COL22A1: variants seen among roughly 807,000 people sequenced by gnomAD.
COL22A1 encodes the protein collagen type XXII alpha 1 chain.
COL22A1 carries 221 observed loss-of-function variants against 248.9 expected under a neutral mutation model. The ratio of observed to expected loss-of-function variants is 0.89; its 90% CI spans 0.80 to 0.99. The LOEUF is 0.99. Ranked by LOEUF, COL22A1 falls within the 50% of genes least tolerant of loss-of-function variation. The pLI is 0.00. For missense variants in COL22A1, 2,240 were observed against 2,179.0 expected, an observed-to-expected ratio of 1.03 and a Z score of -0.56; for synonymous variants, 891 against 793.4, an observed-to-expected ratio of 1.12 and a Z score of -2.07.
In COL22A1 at chr8:138,594,087, G is replaced by T; in HGVS notation, c.4545C>A (p.Gly1515=). 1 of 1,585,988 alleles carries T rather than the reference G, an allele frequency of 6.3e-7. No individual in the cohort carries two copies. The highest frequency in any genetic ancestry group is 2.3e-5 in the East Asian group (1 of 42,954). The part of the protein sequence containing the change: ...PGKDGLPGRA[G]PMGEPGRPGQ... ...CAGGACGACCTGGCTCCCCCATGGG[G>T]CCGGCCCGGCCTGGAAGCCCATCTT... The change falls in exon 63 of 65, where the codon GGC becomes GGA. Residue 1515 remains glycine, a synonymous_variant. Transcript: ENST00000303045.
intron 18 of COL22A1, among the ~76,000 whole-genome samples, chr8:138,757,390 T>C (rs1347212699): frequency 6.6e-6 from 1 of 152,238 alleles, no homozygotes; most frequent in African/African-American, 2.4e-5. Context: ...GTCTTTTTTA[T>C]GACTACTTTG....
In COL22A1 at chr8:138,700,198, T is replaced by TA. The variant is rs1232174646; in HGVS notation, c.2560-55_2560-54insT. On this transcript the variant is annotated intron_variant, in intron 31 of 64. Coordinates refer to ENST00000303045, the MANE Select transcript of COL22A1 (RefSeq NM_152888.3). ...GATGGGCATCAAGGAACCCAGTGTT[T>TA]CATTTTTAAAACCTGCCTTGGAGAG... is the stretch of plus-strand genomic sequence containing the variant. The TA allele has an allele frequency of 6.3e-6, 10 of 1,576,646 alleles. No individual in the cohort carries two copies. In the Admixed American group the frequency reaches 6.8e-5, roughly 11 times the overall value.
At position 138,649,597 on chromosome 8, in the gene COL22A1, A is replaced by G. The variant is rs1822509002; in HGVS notation, c.3447+68T>C. 1.9e-6 allele frequency: 3 copies of G among 1,556,674 alleles called. No homozygotes were observed. In the East Asian group the frequency reaches 7.1e-5, roughly 37 times the overall value. ...AACACCTTCAGAGGCAGATGGGGCA[A>G]TACTGAGATCTCCAGAATGATATTT... On this transcript the variant is annotated intron_variant, in intron 46 of 64. Coordinates refer to ENST00000303045, the MANE Select transcript of COL22A1 (RefSeq NM_152888.3).
chr8:138,670,296 C>T (rs1374316396), intron 41 of COL22A1, among the ~76,000 whole-genome samples: 17 of 152,202 alleles, frequency 1.1e-4, no homozygotes, highest in Non-Finnish European at 2.9e-5. Flanking sequence ...TGTGGCTTTA[C>T]ACCTTCCTCA....
chr8:138,677,510 C>CGTAATTT (rs1201103941), intron 40 of COL22A1, among the ~76,000 whole-genome samples: 20 of 151,970 alleles, frequency 1.3e-4, no homozygotes, highest in African/African-American at 4.6e-4. Flanking sequence ...CAAGGCCGAG[C>CGTAATTT]CACGCCTTAT....
At chr8:138,876,977 C>T (rs145094205) in intron 3 of COL22A1, among the ~76,000 whole-genome samples, 328 of 152,350 alleles carry the variant, frequency 2.2e-3, no homozygotes, top group Non-Finnish European at 3.7e-3. Flanking sequence ...AAGCTGGAGA[C>T]AGTCTGGAAC....
intron 3 of COL22A1, 104 bp from the exon 4 acceptor site, chr8:138,844,262 G>A: frequency 9.8e-7 from 1 of 1,024,706 alleles, no homozygotes; most frequent in Non-Finnish European, 1.5e-6. Flanking sequence ...TGCAGCATGT[G>A]AGGTGTTCAA....
chr8:138,766,396 TGA>T (rs1185319740), intron 16 of COL22A1, among the ~76,000 whole-genome samples: 1 of 147,852 alleles, frequency 6.8e-6, no homozygotes, highest in Non-Finnish European at 1.5e-5. Flanking sequence ...GCGAGAGGAA[TGA>T]GAGAGGATAC....
At chr8:138,729,358 G>C (rs1383231837) in intron 23 of COL22A1, among the ~76,000 whole-genome samples, 2 of 152,140 alleles carry the variant, frequency 1.3e-5, no homozygotes, top group African/African-American at 2.4e-5. Flanking sequence ...CTAGAACTTA[G>C]GGCTCTAAAT....
intron 20 of COL22A1, 95 bp from the exon 21 acceptor site, chr8:138,755,305 A>C: frequency 1.4e-6 from 2 of 1,402,764 alleles, no homozygotes; most frequent in Non-Finnish European, 2.0e-6. Flanking sequence ...CTCAAAGTTT[A>C]CTTTCCAAGT....
chr8:138,776,230 G>A (rs543395961), intron 15 of COL22A1, among the ~76,000 whole-genome samples: 8 of 152,294 alleles, frequency 5.3e-5, no homozygotes, highest in African/African-American at 9.6e-5. Context: ...AGAGTGAGAC[G>A]TGAGTTCCTG....
rs142671208 is a variant in COL22A1 at position 138,739,414 on chromosome 8, T to C, written c.2086-1837A>G. Among the ~76,000 whole-genome samples the C allele has an allele frequency of 2.0e-3, 309 of 152,306 alleles. 2 individuals are homozygous for C. Among genetic ancestry groups the C allele is most frequent in the East Asian group, 6.6e-3 (34 of 5,168 alleles). ...TTTTGTTTCTCCTGAAATGCTCCTT[T>C]AACTGAATGTCTTCTTTGGCCAGCC... is the stretch of plus-strand genomic sequence containing the variant. On this transcript the variant is annotated intron_variant, in intron 22 of 64. Coordinates refer to ENST00000303045, the MANE Select transcript of COL22A1 (RefSeq NM_152888.3).
chr8:138,672,680 C>T (rs1484854332), intron 41 of COL22A1, among the ~76,000 whole-genome samples: 1 of 152,170 alleles, frequency 6.6e-6, no homozygotes, highest in Non-Finnish European at 1.5e-5. Flanking sequence ...AGAAAGACAT[C>T]AGGCAAACAG....
chr8:138,607,767 T>TA (rs1264606159), intron 57 of COL22A1, among the ~76,000 whole-genome samples, 169 bp downstream of exon 57: 1 of 152,116 alleles, frequency 6.6e-6, no homozygotes, highest in Admixed American at 6.5e-5. Context: ...CTTTAAACCT[T>TA]AAAAAATGGC....
At chr8:138,747,361 C>T (rs13255079) in intron 22 of COL22A1, among the ~76,000 whole-genome samples, 25,078 of 152,146 alleles carry the variant, frequency 0.16, 2,082 homozygotes, top group African/African-American at 0.19. Context: ...TTTTTCATCA[C>T]AAAACATTTT....
At chr8:138,848,024 G>C (rs1821373283) in intron 3 of COL22A1, among the ~76,000 whole-genome samples, 1 of 152,160 alleles carries the variant, frequency 6.6e-6, no homozygotes, top group Admixed American at 6.5e-5. Flanking sequence ...AATACAGACT[G>C]AGTTACCTTC....
rs146097708 is a variant in COL22A1, at chr8:138,896,643, C to T, written c.-72-13399G>A. 2.6e-4 allele frequency among the ~76,000 whole-genome samples: 40 copies of T among 152,160 alleles called. No individual in the cohort carries two copies. The East Asian group carries it at 7.3e-3, about 28-fold the overall frequency. The stretch of plus-strand genomic sequence containing the variant: ...GGCAGACTTAACCCTTAAAAAGAAG[C>T]ACACAATATAGAGCAAAGTGCACGA... On this transcript the variant is annotated intron_variant, in intron 1 of 64. Transcript: ENST00000303045.
At chr8:138,813,041 G>T in intron 7 of COL22A1, 22 bp from the exon 8 acceptor site, 1 of 1,602,962 alleles carries the variant, frequency 6.2e-7, no homozygotes, top group Non-Finnish European at 8.5e-7. Context: ...AGCAAGGAGA[G>T]AGGATAAGTT....
intron 23 of COL22A1, among the ~76,000 whole-genome samples, chr8:138,728,024 G>GT (rs1039441674): frequency 2.9e-4 from 44 of 152,112 alleles, no homozygotes; most frequent in African/African-American, 1.0e-3. Flanking sequence ...TCCAGGCAAT[G>GT]TTTTTTTGTT....
Sources: gnomAD v4.1 joint callset for allele counts (sites outside exome capture counted in the v4.1 genomes callset) on GRCh38, gnomAD v4.1.1 for gene constraint, MANE v1.5 for transcripts, NCBI Gene and HGNC (gene_info 2026-07-23, HGNC 2026-07-21) for gene names.